The following ZPBP variants were observed in gnomAD, a reference collection of about 807,000 sequenced individuals.
ZPBP encodes zona pellucida binding protein.
ZPBP carries 26 observed loss-of-function variants against 44.8 expected under a neutral mutation model. That is an observed-to-expected ratio of 0.58 (90% CI 0.43 to 0.81). The LOEUF (loss-of-function observed/expected upper bound fraction) is 0.81. Among genes scored for constraint, ZPBP ranks in the 30% least tolerant of loss-of-function variants. The pLI, the probability that ZPBP is intolerant of heterozygous loss-of-function variation, is 0.00. For missense variants in ZPBP, 409 were observed against 434.0 expected (o/e 0.94, Z 0.51); for synonymous variants, 174 against 153.2 (o/e 1.14, Z -1.00).
chr7:49,900,648 G>T (rs956596788), intron 2 of ZPBP, among the ~76,000 whole-genome samples: 8 of 151,662 alleles, frequency 5.3e-5, no homozygotes, highest in Non-Finnish European at 3.0e-5. Context: ...ATATAAAAGA[G>T]ATATAATCAA....
intron 7 of ZPBP, among the ~76,000 whole-genome samples, chr7:49,963,939 C>T (rs958075893): frequency 3.3e-5 from 5 of 151,622 alleles, no homozygotes; most frequent in African/African-American, 1.2e-4. Context: ...ATAAATAATA[C>T]AAATGCTTAG....
rs1211774358 is a variant in ZPBP at position 49,978,082 on chromosome 7, T to G, written c.961+5260A>C. On this transcript the variant is annotated intron_variant, in intron 7 of 7. Coordinates refer to ENST00000046087, the MANE Select transcript of ZPBP (RefSeq NM_007009.3). ...AAGTTTGTTTGTTTTTGGTTTTTTG[T>G]TTTTTTTTTTTTGAAAAACTAGCAG... Among the ~76,000 whole-genome samples, 6 of 36,280 alleles carry G rather than the reference T, an allele frequency of 1.7e-4. No individual in the cohort carries two copies. The South Asian group carries it at 2.8e-3, about 17-fold the overall frequency. 23.8% of individuals were successfully genotyped at this position (36,280 alleles called of 152,430 possible).
At chr7:50,038,588 G>A (rs78355777) in intron 4 of ZPBP, among the ~76,000 whole-genome samples, 1,837 of 152,266 alleles carry the variant, frequency 0.012, 27 homozygotes, top group African/African-American at 0.034. Context: ...ACTGCTGTGG[G>A]TACACCCAAG....
intron 1 of ZPBP, among the ~76,000 whole-genome samples, chr7:49,928,012 C>G (rs1794308565): frequency 6.6e-6 from 1 of 152,194 alleles, no homozygotes; most frequent in Non-Finnish European, 1.5e-5. Context: ...GTGGCTGGCT[C>G]TCTCCCTGGT....
At chr7:49,998,933 C>A (rs949102772) in intron 6 of ZPBP, among the ~76,000 whole-genome samples, 11 of 152,068 alleles carry the variant, frequency 7.2e-5, no homozygotes, top group Non-Finnish European at 5.9e-5. Flanking sequence ...GGTTGAGCAT[C>A]TCTAATTTGA....
chr7:49,931,906 C>T (rs1794460122), intron 1 of ZPBP, among the ~76,000 whole-genome samples: 2 of 152,256 alleles, frequency 1.3e-5, no homozygotes, highest in African/African-American at 4.8e-5. Flanking sequence ...GCTTCAGCTC[C>T]AGCTGTGGCT....
intron 5 of ZPBP, among the ~76,000 whole-genome samples, chr7:50,028,845 TC>T (rs35722287): frequency 0.5 from 75,960 of 151,772 alleles, 19,680 homozygotes; most frequent in East Asian, 0.67. Flanking sequence ...TTACACAAGT[TC>T]TAAATAAATG....
At chr7:49,873,166 G>A (rs1791246428) in intron 2 of ZPBP, among the ~76,000 whole-genome samples, 1 of 152,122 alleles carries the variant, frequency 6.6e-6, no homozygotes, top group Non-Finnish European at 1.5e-5. Context: ...GTAACAATTT[G>A]TCTTGGTCTG....
chr7:49,980,013 T>A (rs1231824601), intron 7 of ZPBP, among the ~76,000 whole-genome samples: 1 of 13,220 alleles, frequency 7.6e-5, no homozygotes, highest in Non-Finnish European at 1.5e-4. Context: ...TTATATATAT[T>A]ATAATATAAT....
intron 3 of ZPBP, among the ~76,000 whole-genome samples, chr7:50,062,561 A>G (rs1801295482): frequency 1.3e-5 from 2 of 152,334 alleles, no homozygotes; most frequent in South Asian, 4.1e-4. Context: ...AATGACAAAA[A>G]CAAGCAATGG....
At chr7:49,892,579 T>G (rs1310389483) in intron 2 of ZPBP, among the ~76,000 whole-genome samples, 1 of 152,196 alleles carries the variant, frequency 6.6e-6, no homozygotes, top group Non-Finnish European at 1.5e-5. Flanking sequence ...GGTCATGTTC[T>G]GTTTCTTGAT....
At chr7:50,037,836 T>C (rs1799889505) in intron 4 of ZPBP, among the ~76,000 whole-genome samples, 1 of 152,046 alleles carries the variant, frequency 6.6e-6, no homozygotes, top group African/African-American at 2.4e-5. Context: ...TAACACAGGG[T>C]TCTTTCCCCA....
At chr7:50,041,466 G>T (rs892345790) in intron 4 of ZPBP, among the ~76,000 whole-genome samples, 7 of 152,210 alleles carry the variant, frequency 4.6e-5, no homozygotes, top group African/African-American at 1.7e-4. Context: ...GAAGGAACAG[G>T]CAGCAATCTT....
intron 2 of ZPBP, among the ~76,000 whole-genome samples, chr7:49,854,735 A>G (rs1235844845): frequency 6.6e-6 from 1 of 152,148 alleles, no homozygotes; most frequent in East Asian, 1.9e-4. Context: ...CCATTTGTCA[A>G]TTTTAGCTTT....
chr7:49,905,578 T>C (rs555914341), intron 1 of ZPBP, among the ~76,000 whole-genome samples: 10 of 152,330 alleles, frequency 6.6e-5, no homozygotes, highest in Middle Eastern at 3.4e-3. Context: ...CATTGTACTT[T>C]GTGTGTTTGT....
chr7:49,976,304 C>A (rs1156829800), intron 7 of ZPBP, among the ~76,000 whole-genome samples: 1 of 152,204 alleles, frequency 6.6e-6, no homozygotes, highest in Non-Finnish European at 1.5e-5. Context: ...TTTAAACTAA[C>A]TGAAAAATTC....
At chr7:50,056,274 A>G (rs1027555821) in intron 4 of ZPBP, 5 of 152,216 alleles carry the variant, frequency 3.3e-5, no homozygotes, top group Non-Finnish European at 5.9e-5. Context: ...GGGGAATCCA[A>G]TTCTTTGTCA....
rs112554437 is a variant in ZPBP at position 49,899,646 on chromosome 7, C to T, written n.509+1472G>A. On this transcript the variant is annotated intron_variant and non_coding_transcript_variant, in intron 2 of 2. Transcript: ENST00000465922. Reference sequence around the variant, plus strand: ...CACACAGGTCTTCAATATGCATTTGCCTGAAAACAGTATCAAAACACATGA... The same window carrying T: ...CACACAGGTCTTCAATATGCATTTGTCTGAAAACAGTATCAAAACACATGA... Among the ~76,000 whole-genome samples, 837 of 152,014 alleles carry T rather than the reference C, an allele frequency of 5.5e-3. 2 individuals are homozygous for T. Among genetic ancestry groups the T allele is most frequent in the Non-Finnish European group, 9.5e-3 (644 of 67,840 alleles).
intron 1 of ZPBP, among the ~76,000 whole-genome samples, chr7:49,926,822 AG>A (rs1482899421): frequency 6.6e-6 from 1 of 152,256 alleles, no homozygotes; most frequent in East Asian, 1.9e-4. Flanking sequence ...AGCAGGAAGG[AG>A]GGAAGGCCTT....
Sources: gnomAD v4.1 joint callset for allele counts (sites outside exome capture counted in the v4.1 genomes callset) on GRCh38, gnomAD v4.1.1 for gene constraint, MANE v1.5 for transcripts, NCBI Gene and HGNC (gene_info 2026-07-23, HGNC 2026-07-21) for gene names.